The following CYTH3 variants were observed in gnomAD, a reference collection of about 807,000 sequenced individuals.
CYTH3 encodes the protein cytohesin-3.
CYTH3 carries 23 observed loss-of-function variants against 55.1 expected under a neutral mutation model. The ratio of observed to expected loss-of-function variants is 0.42; its 90% CI spans 0.30 to 0.59. CYTH3 has a LOEUF of 0.59. CYTH3 is among the 20% of genes least tolerant of loss of function. The pLI is 0.20. For synonymous variants in CYTH3, 249 were observed against 194.9 expected, an observed-to-expected ratio of 1.28 and a Z score of -2.31; for missense variants, 413 against 524.8, an observed-to-expected ratio of 0.79 and a Z score of 2.08.
intron 1 of CYTH3, among the ~76,000 whole-genome samples, chr7:6,201,357 C>T (rs1015107321): frequency 6.6e-6 from 1 of 152,176 alleles, no homozygotes; most frequent in African/African-American, 2.4e-5. Flanking sequence ...TCCAAGGGTC[C>T]GATTCTCGCC....
rs1035717419 is a variant in CYTH3 at position 6,164,875 on chromosome 7, C to T, written c.*69G>A. 33 of 1,579,392 alleles carry T rather than the reference C, an allele frequency of 2.1e-5. No individual in the cohort carries two copies. The highest frequency in any genetic ancestry group is 6.7e-5 in the African/African-American group (5 of 74,118). ...GACTGCCTCCCTGCCACGCCTTCCG[C>T]GGAGGGGCCGCCCGCGGTGTCTTTC... On this transcript the variant is annotated 3_prime_UTR_variant, in exon 13 of 13. Transcript: ENST00000350796.
chr7:6,258,139 C>CTT (rs111686763), intron 1 of CYTH3, among the ~76,000 whole-genome samples: 2 of 151,664 alleles, frequency 1.3e-5, no homozygotes, highest in African/African-American at 4.9e-5. Context: ...CTTTGGTTTG[C>CTT]TTTTTCTTTT....
intron 1 of CYTH3, among the ~76,000 whole-genome samples, chr7:6,233,127 G>A (rs1026321886): frequency 6.6e-6 from 1 of 152,092 alleles, no homozygotes; most frequent in Non-Finnish European, 1.5e-5. Flanking sequence ...CATTCTAAAT[G>A]TTCTCTGAAG....
intron 1 of CYTH3, among the ~76,000 whole-genome samples, chr7:6,226,913 T>C (rs1779269805): frequency 2.0e-5 from 3 of 152,084 alleles, no homozygotes; most frequent in African/African-American, 7.2e-5. Context: ...ACCCCGTCTC[T>C]ACTAAAAATA....
intron 1 of CYTH3, among the ~76,000 whole-genome samples, chr7:6,196,986 T>C (rs1241423184): frequency 6.6e-6 from 1 of 152,192 alleles, no homozygotes; most frequent in Non-Finnish European, 1.5e-5. Context: ...TGTTTCCTTT[T>C]TAAGAAAGTC....
At chr7:6,234,889 G>A (rs1312074691) in intron 1 of CYTH3, among the ~76,000 whole-genome samples, 1 of 152,096 alleles carries the variant, frequency 6.6e-6, no homozygotes, top group African/African-American at 2.4e-5. Flanking sequence ...AATATGAGAC[G>A]TGGCCCAAGT....
chr7:6,259,336 T>C (rs1190943035), intron 1 of CYTH3, among the ~76,000 whole-genome samples: 1 of 152,194 alleles, frequency 6.6e-6, no homozygotes, highest in South Asian at 2.1e-4. Flanking sequence ...ACAATAGCCC[T>C]GTTGAGAGTT....
At chr7:6,264,652 T>C (rs539855121) in intron 1 of CYTH3, among the ~76,000 whole-genome samples, 15 of 152,138 alleles carry the variant, frequency 9.9e-5, no homozygotes, top group African/African-American at 3.6e-4. Flanking sequence ...GGGCCCCATA[T>C]CGAATTCATA....
intron 1 of CYTH3, among the ~76,000 whole-genome samples, chr7:6,270,589 CTTATT>C (rs1290126338): frequency 3.3e-5 from 5 of 152,180 alleles, no homozygotes; most frequent in Middle Eastern, 3.2e-3. Context: ...TATAAAACTG[CTTATT>C]TTAATGGTTG....
intron 4 of CYTH3, among the ~76,000 whole-genome samples, chr7:6,182,536 T>C (rs1783530070): frequency 6.6e-6 from 1 of 152,098 alleles, no homozygotes; most frequent in Non-Finnish European, 1.5e-5. Flanking sequence ...AGAGACAAAG[T>C]CTTACTGTCA....
intron 1 of CYTH3, among the ~76,000 whole-genome samples, chr7:6,272,103 T>TC (rs1341610634): frequency 2.6e-5 from 4 of 151,960 alleles, no homozygotes; most frequent in Non-Finnish European, 5.9e-5. Context: ...AACGCCGGGC[T>TC]CCGGAGGGCA....
At chr7:6,229,647 TG>T (rs1562399782) in intron 1 of CYTH3, among the ~76,000 whole-genome samples, 2 of 117,068 alleles carry the variant, frequency 1.7e-5, no homozygotes, top group African/African-American at 2.9e-5. Flanking sequence ...CCGTCTCTAC[TG>T]AAAAAAAAAA....
At chr7:6,178,077 G>A (rs1783393340) in intron 4 of CYTH3, 136 bp from the exon 5 acceptor site, 2 of 623,908 alleles carry the variant, frequency 3.2e-6, no homozygotes, top group African/African-American at 1.8e-5. Flanking sequence ...CCATACAACT[G>A]CACAATCTGA....
chr7:6,260,299 T>TTAG (rs1432021189), intron 1 of CYTH3, among the ~76,000 whole-genome samples: 1 of 152,184 alleles, frequency 6.6e-6, no homozygotes, highest in Non-Finnish European at 1.5e-5. Context: ...CCAAAGTTAC[T>TTAG]TATACTAAGA....
chr7:6,196,462 T>C (rs550005276), intron 1 of CYTH3, among the ~76,000 whole-genome samples: 128 of 148,758 alleles, frequency 8.6e-4, no homozygotes, highest in Admixed American at 1.3e-3. Context: ...TTTTCTTTTT[T>C]TTTTTTTTTT....
intron 1 of CYTH3, among the ~76,000 whole-genome samples, chr7:6,231,010 T>C (rs1779379761): frequency 6.6e-6 from 1 of 152,188 alleles, no homozygotes; most frequent in Admixed American, 6.5e-5. Context: ...GTGCCTTCAC[T>C]TTCCCCACAG....
intron 9 of CYTH3, among the ~76,000 whole-genome samples, chr7:6,168,844 G>A (rs377567217): frequency 5.3e-5 from 8 of 152,200 alleles, no homozygotes; most frequent in East Asian, 1.9e-4. Context: ...GGCTGATGGC[G>A]TCACTGTCCC....
chr7:6,180,431 G>A (rs538208953), intron 4 of CYTH3, among the ~76,000 whole-genome samples: 40 of 152,342 alleles, frequency 2.6e-4, no homozygotes, highest in African/African-American at 9.1e-4. Flanking sequence ...AAGGTGCAGA[G>A]AAGGCCACAA....
At chr7:6,190,352 T>A in intron 2 of CYTH3, 97 bp downstream of exon 2, 1 of 949,846 alleles carries the variant, frequency 1.1e-6, no homozygotes, top group African/African-American at 1.8e-5. Context: ...TTGGGTTTTT[T>A]TTTTTTTTTA....
Sources: allele counts gnomAD v4.1 joint callset (sites outside exome capture counted in the v4.1 genomes callset), GRCh38; gene constraint gnomAD v4.1.1; transcripts MANE v1.5; gene names NCBI Gene and HGNC (gene_info 2026-07-23, HGNC 2026-07-21).